The following EXT1 variants were observed in gnomAD, a reference collection of about 807,000 sequenced individuals.
EXT1 encodes exostosin glycosyltransferase 1, also known as exostosin-1.
A neutral mutation model predicts 82.5 loss-of-function variants in EXT1; 20 were observed. The ratio of observed to expected loss-of-function variants is 0.24; its 90% CI spans 0.17 to 0.35. The LOEUF (loss-of-function observed/expected upper bound fraction) is 0.35. EXT1 is among the 10% of genes least tolerant of loss of function. The pLI is 1.00. For missense variants in EXT1, 757 were observed against 936.5 expected, an observed-to-expected ratio of 0.81 and a Z score of 2.50; for synonymous variants, 348 against 350.8, an observed-to-expected ratio of 0.99 and a Z score of 0.09.
intron 9 of EXT1, among the ~76,000 whole-genome samples, chr8:117,806,987 C>T (rs898875612): frequency 6.6e-6 from 1 of 152,286 alleles, no homozygotes; most frequent in East Asian, 1.9e-4. Context: ...TATTTTCACA[C>T]TTCAGACCAA....
intron 1 of EXT1, among the ~76,000 whole-genome samples, chr8:118,020,494 G>A (rs920806681): frequency 3.3e-5 from 5 of 152,174 alleles, no homozygotes; most frequent in African/African-American, 1.2e-4. Context: ...AATGTTTAGT[G>A]CATTATCTGA....
At chr8:117,838,009 C>A (rs1812215956) in intron 1 of EXT1, among the ~76,000 whole-genome samples, 1 of 152,134 alleles carries the variant, frequency 6.6e-6, no homozygotes, top group Non-Finnish European at 1.5e-5. Flanking sequence ...TTCTTTATGC[C>A]AGTGAAGTTT....
chr8:118,108,122 C>T (rs1817831774), intron 1 of EXT1, among the ~76,000 whole-genome samples: 1 of 152,140 alleles, frequency 6.6e-6, no homozygotes, highest in East Asian at 1.9e-4. Context: ...GAAACCAACC[C>T]CTCCCTTCAT....
intron 1 of EXT1, among the ~76,000 whole-genome samples, chr8:117,846,670 A>G (rs1812367249): frequency 6.6e-6 from 1 of 152,158 alleles, no homozygotes; most frequent in African/African-American, 2.4e-5. Flanking sequence ...GGTGATGGGG[A>G]AGCCTGAGGT....
intron 1 of EXT1, among the ~76,000 whole-genome samples, chr8:117,977,910 G>A (rs182872955): frequency 4.5e-4 from 68 of 152,306 alleles, no homozygotes; most frequent in South Asian, 6.2e-4. Context: ...GGGGAGCTAC[G>A]TATTGTCCAG....
At chr8:117,978,569 G>C (rs766421528) in intron 1 of EXT1, among the ~76,000 whole-genome samples, 7 of 152,170 alleles carry the variant, frequency 4.6e-5, no homozygotes, top group Non-Finnish European at 5.9e-5. Flanking sequence ...ATGAGGTGGA[G>C]TAGGGAAGAG....
chr8:117,993,382 GC>G (rs1437026766), intron 1 of EXT1, among the ~76,000 whole-genome samples: 6 of 152,302 alleles, frequency 3.9e-5, no homozygotes, highest in South Asian at 2.1e-4. Flanking sequence ...GCAGGATACA[GC>G]CAGGCCAGCC....
intron 1 of EXT1, among the ~76,000 whole-genome samples, chr8:117,952,199 TA>T (rs1814503091): frequency 6.6e-6 from 1 of 152,238 alleles, no homozygotes; most frequent in African/African-American, 2.4e-5. Context: ...TGTTTTTAAA[TA>T]CACATCACCA....
intron 1 of EXT1, among the ~76,000 whole-genome samples, chr8:117,964,644 TGTTTG>T (rs1814770009): frequency 6.6e-6 from 1 of 151,988 alleles, no homozygotes. Flanking sequence ...TTTGTTTGTT[TGTTTG>T]TTTGTTTTTT....
At chr8:117,859,512 G>A (rs986348653) in intron 1 of EXT1, among the ~76,000 whole-genome samples, 2 of 152,192 alleles carry the variant, frequency 1.3e-5, no homozygotes, top group Non-Finnish European at 1.5e-5. Flanking sequence ...AATCCTTGTA[G>A]GGTAGTGCAA....
intron 1 of EXT1, among the ~76,000 whole-genome samples, chr8:118,034,289 C>T (rs1353684505): frequency 6.6e-6 from 1 of 152,028 alleles, no homozygotes; most frequent in Non-Finnish European, 1.5e-5. Context: ...AGAAGGGTAC[C>T]ATCATTTTTT....
chr8:118,067,583 G>A (rs17476965), intron 1 of EXT1, among the ~76,000 whole-genome samples: 1,876 of 152,282 alleles, frequency 0.012, 33 homozygotes, highest in African/African-American at 0.04. Context: ...TCACACCAAC[G>A]TGAAGCGGTT....
intron 1 of EXT1, among the ~76,000 whole-genome samples, chr8:117,870,585 T>C (rs1004105479): frequency 6.6e-6 from 1 of 152,198 alleles, no homozygotes; most frequent in Admixed American, 6.5e-5. Context: ...GAGTGAATTG[T>C]GGACACATGG....
chr8:118,093,611 G>A (rs1445168614), intron 1 of EXT1, among the ~76,000 whole-genome samples: 1 of 152,216 alleles, frequency 6.6e-6, no homozygotes, highest in Non-Finnish European at 1.5e-5. Context: ...TGTGGAACTG[G>A]ATAGGAATCA....
intron 1 of EXT1, among the ~76,000 whole-genome samples, chr8:118,033,449 C>T (rs1161164228): frequency 6.6e-6 from 1 of 152,172 alleles, no homozygotes; most frequent in African/African-American, 2.4e-5. Context: ...CTCTAAGTAA[C>T]TATTCCTAAA....
chr8:117,957,590 G>A (rs1256501230), intron 1 of EXT1, among the ~76,000 whole-genome samples: 2 of 152,190 alleles, frequency 1.3e-5, no homozygotes, highest in African/African-American at 4.8e-5. Context: ...TCCTCACATA[G>A]AAGATCAGAG....
At chr8:118,071,251 T>C (rs1000886219) in intron 1 of EXT1, among the ~76,000 whole-genome samples, 1 of 152,222 alleles carries the variant, frequency 6.6e-6, no homozygotes, top group African/African-American at 2.4e-5. Flanking sequence ...ATTGTGCCAG[T>C]GCCTGGTCTC....
intron 1 of EXT1, among the ~76,000 whole-genome samples, chr8:118,053,696 G>A (rs1049671775): frequency 6.6e-6 from 1 of 152,190 alleles, no homozygotes; most frequent in African/African-American, 2.4e-5. Flanking sequence ...TAAGGTAGGT[G>A]CAATTATTGC....
intron 7 of EXT1, among the ~76,000 whole-genome samples, chr8:117,814,712 C>T (rs968284093): frequency 8.5e-5 from 13 of 152,294 alleles, no homozygotes; most frequent in South Asian, 8.3e-4. Flanking sequence ...TGAATTCACA[C>T]CTGCCATCAA....
Sources: allele counts gnomAD v4.1 joint callset (sites outside exome capture counted in the v4.1 genomes callset), GRCh38; gene constraint gnomAD v4.1.1; transcripts MANE v1.5; gene names NCBI Gene and HGNC (gene_info 2026-07-23, HGNC 2026-07-21).